The following UBL3 variants were observed in gnomAD, a reference collection of about 807,000 sequenced individuals.
UBL3 encodes ubiquitin like 3, also known as ubiquitin-like protein 3.
In UBL3, 6 loss-of-function variants were observed where a neutral mutation model predicts 18.4. The ratio of observed to expected loss-of-function variants is 0.33; its 90% CI spans 0.18 to 0.64. The LOEUF is 0.64. Among genes scored for constraint, UBL3 ranks in the 30% least tolerant of loss-of-function variants. The pLI, the probability that UBL3 is intolerant of heterozygous loss-of-function variation, is 0.76. For missense variants in UBL3, 109 were observed against 142.9 expected (o/e 0.76, Z 1.21); for synonymous variants, 49 against 46.6 (o/e 1.05, Z -0.21).
chr13:29,800,288 G>A (rs1240710803), intron 1 of UBL3, among the ~76,000 whole-genome samples: 1 of 152,130 alleles, frequency 6.6e-6, no homozygotes. Flanking sequence ...CAAGACTGAT[G>A]GATTTAAATT....
chr13:29,809,490 T>A (rs1877983127), intron 1 of UBL3, among the ~76,000 whole-genome samples: 1 of 152,012 alleles, frequency 6.6e-6, no homozygotes, highest in Non-Finnish European at 1.5e-5. Flanking sequence ...GGGAAGGAAT[T>A]TAAATATTAA....
intron 1 of UBL3, among the ~76,000 whole-genome samples, chr13:29,840,953 C>G (rs1879085451): frequency 6.6e-6 from 1 of 152,066 alleles, no homozygotes; most frequent in African/African-American, 2.4e-5. Flanking sequence ...TGTAAGGAGG[C>G]AGCTTTAGGC....
chr13:29,816,751 T>A (rs1878292428), intron 1 of UBL3, among the ~76,000 whole-genome samples: 1 of 89,684 alleles, frequency 1.1e-5, no homozygotes. Context: ...CAAGACCCTG[T>A]CTCAAAAAAA....
chr13:29,808,218 G>T (rs1877945851), intron 1 of UBL3, among the ~76,000 whole-genome samples: 1 of 152,076 alleles, frequency 6.6e-6, no homozygotes, highest in Non-Finnish European at 1.5e-5. Context: ...TATATAGCTA[G>T]CAAGTTAATT....
intron 1 of UBL3, among the ~76,000 whole-genome samples, chr13:29,778,148 C>T (rs1877050885): frequency 6.6e-6 from 1 of 152,014 alleles, no homozygotes; most frequent in Non-Finnish European, 1.5e-5. Flanking sequence ...AACTGCATGA[C>T]CATATATTTT....
At chr13:29,796,488 A>C (rs991351624) in intron 1 of UBL3, among the ~76,000 whole-genome samples, 4 of 152,336 alleles carry the variant, frequency 2.6e-5, no homozygotes, top group Admixed American at 1.3e-4. Context: ...TTATAAATCT[A>C]ATAAACTAAA....
chr13:29,826,821 T>C (rs762536976), intron 1 of UBL3, among the ~76,000 whole-genome samples: 84 of 152,360 alleles, frequency 5.5e-4, no homozygotes, highest in Middle Eastern at 3.4e-3. Context: ...TGTGGGCATT[T>C]AGTGCTATAT....
At chr13:29,798,820 G>C (rs540180180) in intron 1 of UBL3, among the ~76,000 whole-genome samples, 1 of 152,272 alleles carries the variant, frequency 6.6e-6, no homozygotes, top group Non-Finnish European at 1.5e-5. Context: ...TATAATTTTA[G>C]TAATTTTTCA....
intron 2 of UBL3, among the ~76,000 whole-genome samples, chr13:29,773,548 A>C (rs1251026780): frequency 6.6e-6 from 1 of 152,218 alleles, no homozygotes; most frequent in Non-Finnish European, 1.5e-5. Context: ...TTTAATTCAC[A>C]GGAAACAAAG....
At chr13:29,784,022 T>C (rs1343162985) in intron 1 of UBL3, among the ~76,000 whole-genome samples, 2 of 152,146 alleles carry the variant, frequency 1.3e-5, no homozygotes. Flanking sequence ...ACAAGACTAT[T>C]AGTGAGGCAG....
At chr13:29,838,031 C>CAA (rs1000785452) in intron 1 of UBL3, among the ~76,000 whole-genome samples, 8 of 137,258 alleles carry the variant, frequency 5.8e-5, no homozygotes, top group African/African-American at 2.2e-4. Flanking sequence ...ATGTAGATTA[C>CAA]AAAAAAAAAA....
At position 29,785,525 on chromosome 13, in the gene UBL3, A is replaced by G. The variant is rs576038004; in HGVS notation, c.28-8262T>C. On this transcript the variant is annotated intron_variant, in intron 1 of 4. Coordinates refer to ENST00000380680, the MANE Select transcript of UBL3 (RefSeq NM_007106.4). ...TATTTTAATATGTAAATTTTAAAAT[A>G]AACATTTTCTAGAGTTATGAATTTA... 3.7e-4 allele frequency among the ~76,000 whole-genome samples: 57 copies of G among 152,334 alleles called. No homozygotes were observed. In the South Asian group the frequency reaches 0.011, roughly 29 times the overall value.
chr13:29,788,477 TTTC>T (rs1334038169), intron 1 of UBL3, among the ~76,000 whole-genome samples: 1 of 152,096 alleles, frequency 6.6e-6, no homozygotes, highest in African/African-American at 2.4e-5. Flanking sequence ...GAACCTGGGT[TTTC>T]TTCTTCCTAG....
intron 1 of UBL3, among the ~76,000 whole-genome samples, chr13:29,829,365 T>A (rs1464591053): frequency 6.6e-6 from 1 of 152,214 alleles, no homozygotes; most frequent in Admixed American, 6.5e-5. Flanking sequence ...CCGCTTTGTT[T>A]ACCTACTCAA....
At chr13:29,799,252 T>A (rs1406611820) in intron 1 of UBL3, among the ~76,000 whole-genome samples, 2 of 152,218 alleles carry the variant, frequency 1.3e-5, no homozygotes, top group Non-Finnish European at 2.9e-5. Flanking sequence ...AAAAAAAGTA[T>A]GCAGACATTG....
chr13:29,826,574 T>G (rs138450679), intron 1 of UBL3, among the ~76,000 whole-genome samples: 2,144 of 151,918 alleles, frequency 0.014, 45 homozygotes, highest in African/African-American at 0.049. Context: ...TGCTTCTATT[T>G]GATTCTTCTT....
At chr13:29,808,634 C>T (rs1396490403) in intron 1 of UBL3, among the ~76,000 whole-genome samples, 1 of 152,080 alleles carries the variant, frequency 6.6e-6, no homozygotes, top group African/African-American at 2.4e-5. Context: ...CCACACCACC[C>T]TCATTGTCTC....
chr13:29,835,155 TA>T (rs1878922376), intron 1 of UBL3, among the ~76,000 whole-genome samples: 2 of 46,868 alleles, frequency 4.3e-5, no homozygotes, highest in Non-Finnish European at 7.2e-5. Context: ...TATATATATA[TA>T]TATATATATA....
chr13:29,782,463 G>C (rs1484959450), intron 1 of UBL3, among the ~76,000 whole-genome samples: 2 of 152,188 alleles, frequency 1.3e-5, no homozygotes, highest in Non-Finnish European at 2.9e-5. Flanking sequence ...CAGAATGTTG[G>C]AAACTCATAG....
Sources: allele counts gnomAD v4.1 joint callset (sites outside exome capture counted in the v4.1 genomes callset), GRCh38; gene constraint gnomAD v4.1.1; transcripts MANE v1.5; gene names NCBI Gene and HGNC (gene_info 2026-07-23, HGNC 2026-07-21).